The following TDRP variants were observed in gnomAD, a reference collection of about 807,000 sequenced individuals.
The protein encoded by TDRP is testis development related protein.
A neutral mutation model predicts 10.5 loss-of-function variants in TDRP; 12 were observed. That is an observed-to-expected ratio of 1.15 (90% confidence interval 0.73 to 1.86). TDRP has a LOEUF of 1.86. Ranked by LOEUF, TDRP falls within the 40% of genes most tolerant of loss-of-function variation. The pLI is 0.00. For missense variants in TDRP, 353 were observed against 229.2 expected (o/e 1.54, Z -3.49); for synonymous variants, 139 against 95.4 (o/e 1.46, Z -2.67).
In TDRP at chr8:490,209, C is replaced by T. The variant is rs1392394002; in HGVS notation, c.*2190G>A. On this transcript the variant is annotated 3_prime_UTR_variant, in exon 3 of 3. Coordinates refer to ENST00000324079, the MANE Select transcript of TDRP (RefSeq NM_001384899.1). ...AGATAATTTTTCTCCCAAAGCACAC[C>T]AATAAATATTTATATTAAAAACCAC... The T allele has an allele frequency of 6.6e-6, 1 of 152,074 alleles. No homozygotes were observed. The highest frequency in any genetic ancestry group is 1.5e-5 in the Non-Finnish European group (1 of 68,014). The allele number at this position is 152,074 out of a possible 1,614,324, so 9.4% of individuals were successfully genotyped here.
At chr8:510,408 G>C (rs1437293420) in intron 1 of TDRP, among the ~76,000 whole-genome samples, 1 of 152,044 alleles carries the variant, frequency 6.6e-6, no homozygotes, top group Non-Finnish European at 1.5e-5. Context: ...TCTGTGCCAG[G>C]AACCACAGAC....
At chr8:503,274 C>A (rs115820395) in intron 1 of TDRP, among the ~76,000 whole-genome samples, 5,265 of 132,786 alleles carry the variant, frequency 0.04, 300 homozygotes, top group African/African-American at 0.14. Flanking sequence ...CACACTAGGG[C>A]AACCCACGTC....
chr8:535,661 C>T lies in TDRP; in HGVS notation c.108+8989G>A, dbSNP rs548350522. Among the ~76,000 whole-genome samples the T allele has an allele frequency of 2.0e-5, 3 of 152,154 alleles. No individual in the cohort carries two copies. The South Asian group carries it at 6.2e-4, about 32-fold the overall frequency. ...TCGCCCATTCCTCCCAACAGGTGAT[C>T]TTAAAAAAGCAGAAGACAGACTGCA... On this transcript the variant is annotated intron_variant, in intron 1 of 2. Transcript: ENST00000324079.
intron 1 of TDRP, among the ~76,000 whole-genome samples, chr8:509,153 G>A (rs1323298997): frequency 1.3e-5 from 2 of 152,252 alleles, no homozygotes; most frequent in Non-Finnish European, 2.9e-5. Flanking sequence ...CTGCTTTCAT[G>A]GCTGGTATTG....
intron 1 of TDRP, among the ~76,000 whole-genome samples, chr8:537,062 C>G (rs1226891148): frequency 6.6e-6 from 1 of 152,224 alleles, no homozygotes; most frequent in Non-Finnish European, 1.5e-5. Flanking sequence ...CTCCCCGCTC[C>G]AGACTCCAGA....
At chr8:538,725 G>A (rs1651014112) in intron 1 of TDRP, among the ~76,000 whole-genome samples, 1 of 152,304 alleles carries the variant, frequency 6.6e-6, no homozygotes, top group African/African-American at 2.4e-5. Context: ...TGGGGGAGAA[G>A]TCTTTAGAAG....
intron 1 of TDRP, among the ~76,000 whole-genome samples, chr8:542,602 C>A (rs1447347741): frequency 6.6e-6 from 1 of 152,114 alleles, no homozygotes; most frequent in East Asian, 1.9e-4. Context: ...CGGTGGCTCA[C>A]GCCTGTAATC....
intron 1 of TDRP, among the ~76,000 whole-genome samples, chr8:495,302 G>A (rs1355315442): frequency 6.6e-6 from 1 of 152,100 alleles, no homozygotes; most frequent in African/African-American, 2.4e-5. Flanking sequence ...TGTTACAAGA[G>A]GTCCCCTAGA....
rs561731542 is a variant in TDRP, at chr8:536,155, A to C, written c.108+8495T>G. ...TAATATGCTAAGGCCTGAAAGGCAGATATTTAAGCCCTCATCATTCTACCC... is the reference window on the plus strand; with the variant it reads ...TAATATGCTAAGGCCTGAAAGGCAGCTATTTAAGCCCTCATCATTCTACCC... On this transcript the variant is annotated intron_variant, in intron 1 of 2. Coordinates refer to ENST00000324079, the MANE Select transcript of TDRP (RefSeq NM_001384899.1). 2.0e-5 allele frequency among the ~76,000 whole-genome samples: 3 copies of C among 152,364 alleles called. No individual in the cohort carries two copies. In the South Asian group the frequency reaches 6.2e-4, roughly 32 times the overall value.
At chr8:504,806 G>C (rs1801409764) in intron 1 of TDRP, among the ~76,000 whole-genome samples, 1 of 152,162 alleles carries the variant, frequency 6.6e-6, no homozygotes, top group Non-Finnish European at 1.5e-5. Flanking sequence ...CGAGACAAAT[G>C]AACTTGTGCT....
In TDRP at chr8:514,775, G is replaced by A. The variant is rs541505817; in HGVS notation, c.109-20178C>T. Among the ~76,000 whole-genome samples the A allele has an allele frequency of 1.3e-4, 20 of 152,154 alleles. No individual in the cohort carries two copies. In the East Asian group the frequency reaches 1.7e-3, roughly 13 times the overall value. On this transcript the variant is annotated intron_variant, in intron 1 of 2. Transcript: ENST00000324079. ...CAGCTCTATAGGGGAAGGCCCACCC[G>A]AGAAGCAACGGGAACATGTGTTGAG...
intron 1 of TDRP, among the ~76,000 whole-genome samples, chr8:541,216 GT>G (rs1163825650): frequency 1.3e-5 from 2 of 152,154 alleles, no homozygotes; most frequent in African/African-American, 4.8e-5. Flanking sequence ...AGACTAATCT[GT>G]CATAATTAAC....
chr8:516,437 A>G (rs1021078140), intron 1 of TDRP, among the ~76,000 whole-genome samples: 2 of 152,212 alleles, frequency 1.3e-5, no homozygotes, highest in African/African-American at 4.8e-5. Context: ...CAGCCCTATA[A>G]AAAATGAGCA....
intron 1 of TDRP, among the ~76,000 whole-genome samples, chr8:518,202 G>C (rs140742428): frequency 1.3e-5 from 2 of 152,182 alleles, no homozygotes. Flanking sequence ...AGGGAAGGTA[G>C]GGAAGGTAGG....
intron 1 of TDRP, among the ~76,000 whole-genome samples, chr8:516,360 G>C (rs1050857705): frequency 1.6e-4 from 24 of 152,152 alleles, no homozygotes; most frequent in African/African-American, 5.6e-4. Context: ...ATTTGGAAAA[G>C]GCACATCTGA....
chr8:503,731 C>T (rs1356447381), intron 1 of TDRP, among the ~76,000 whole-genome samples: 1 of 143,436 alleles, frequency 7.0e-6, no homozygotes, highest in African/African-American at 2.6e-5. Context: ...AGCTACACAT[C>T]AGAACCCGTG....
At chr8:545,472 G>A (rs1017688594), upstream of TDRP, 1 of 149,792 alleles carries the variant, frequency 6.7e-6, no homozygotes, top group African/African-American at 2.5e-5. Context: ...CCCAGACCCT[G>A]GCCGGAGGGC....
intron 1 of TDRP, among the ~76,000 whole-genome samples, chr8:528,934 G>C (rs1476112502): frequency 6.6e-6 from 1 of 152,160 alleles, no homozygotes; most frequent in East Asian, 1.9e-4. Flanking sequence ...TGCAAGCTGA[G>C]GAGCAAGGAA....
chr8:535,543 T>G (rs1312880323), intron 1 of TDRP, among the ~76,000 whole-genome samples: 2 of 152,154 alleles, frequency 1.3e-5, no homozygotes, highest in Non-Finnish European at 2.9e-5. Flanking sequence ...GGTAAAATCC[T>G]CTTGAGCTTC....
Sources: allele counts gnomAD v4.1 joint callset (sites outside exome capture counted in the v4.1 genomes callset), GRCh38; gene constraint gnomAD v4.1.1; transcripts MANE v1.5; gene names NCBI Gene and HGNC (gene_info 2026-07-23, HGNC 2026-07-21).